The following FBXO32 variants were observed in gnomAD, a reference collection of about 807,000 sequenced individuals.
The protein encoded by FBXO32 is F-box only protein 32.
Under a neutral mutation model 48.3 loss-of-function variants are expected in FBXO32, and 15 were observed. The observed-to-expected ratio is 0.31, with a 90% CI of 0.21 to 0.48. The LOEUF is 0.48. Among genes scored for constraint, FBXO32 ranks in the 20% least tolerant of loss-of-function variants. The pLI is 0.99. For missense variants in FBXO32, 309 were observed against 432.7 expected, an observed-to-expected ratio of 0.71 and a Z score of 2.54; for synonymous variants, 154 against 165.9, an observed-to-expected ratio of 0.93 and a Z score of 0.55.
Position 123,500,357 on chromosome 8 carries a change from C to CTAT in FBXO32, c.*3013_*3015dup, listed in dbSNP as rs1396303476. On this transcript the variant is annotated 3_prime_UTR_variant, in exon 9 of 9. Coordinates refer to ENST00000517956, the MANE Select transcript of FBXO32 (RefSeq NM_058229.4). ...GTCTGAATTACTTCATATTTGACAT[C>CTAT]TATTTTGAAATTCTGTTTTACAGGG... The CTAT allele has an allele frequency of 1.3e-5, 2 of 152,302 alleles. No individual in the cohort carries two copies. The highest frequency in any genetic ancestry group is 3.9e-4 in the East Asian group (2 of 5,176). 9.4% of individuals were successfully genotyped at this position (152,302 alleles called of 1,614,324 possible). A position where few individuals can be genotyped will look rare whatever the true frequency, so the allele number is the denominator to read the frequency against.
In FBXO32 at chr8:123,506,351, G is replaced by A; in HGVS notation, c.834+41C>T. The A allele has an allele frequency of 6.2e-7, 1 of 1,604,612 alleles. No homozygotes were observed. The highest frequency in any genetic ancestry group is 8.5e-7 in the Non-Finnish European group (1 of 1,175,554). ...CCAAGGAAGTTTGGGGTGAGGGCCA[G>A]AGAAGGAGGGTGGGAGGAAAGCCCA... On this transcript the variant is annotated intron_variant, in intron 7 of 8. Coordinates refer to ENST00000517956, the MANE Select transcript of FBXO32 (RefSeq NM_058229.4). The surrounding 1 kb of genome is among the most constrained non-coding windows in gnomAD (Gnocchi z 4.0).
chr8:123,514,407 C>T (rs1816797616), intron 4 of FBXO32, 74 bp from the exon 5 acceptor site: 19 of 1,172,588 alleles, frequency 1.6e-5, no homozygotes, highest in Non-Finnish European at 2.2e-5. Flanking sequence ...ACTTTTGAGT[C>T]CCATGACACG....
chr8:123,509,616 T>C (rs558546310), intron 6 of FBXO32, among the ~76,000 whole-genome samples: 2 of 152,162 alleles, frequency 1.3e-5, no homozygotes, highest in South Asian at 4.2e-4. Context: ...GGGAGAATCA[T>C]GTGAGCCCAG....
rs754210630 is a variant in FBXO32 at position 123,504,483 on chromosome 8, T to TTCAGC, written c.978+116_978+120dup. ...GGCACTGAATCAGTTTACCCTCACT[T>TTCAGC]TCAGCTGGGGGCTGTGATGGGGAAG... On this transcript the variant is annotated intron_variant, in intron 8 of 8. Transcript: ENST00000517956. 1.1e-4 allele frequency: 49 copies of TTCAGC among 431,752 alleles called. 1 individual carries two copies. Among genetic ancestry groups the TTCAGC allele is most frequent in the East Asian group, 7.3e-4 (7 of 9,616 alleles). 26.7% of individuals were successfully genotyped at this position (431,752 alleles called of 1,614,324 possible).
At chr8:123,505,423 A>G (rs906782901) in intron 7 of FBXO32, among the ~76,000 whole-genome samples, 2 of 151,518 alleles carry the variant, frequency 1.3e-5, no homozygotes, top group African/African-American at 4.9e-5. Flanking sequence ...TCAGAATAAA[A>G]TGAAATGATA....
chr8:123,525,511 C>G lies in FBXO32; in HGVS notation c.372+6387G>C, dbSNP rs760279748. On this transcript the variant is annotated intron_variant, in intron 4 of 8. Transcript: ENST00000517956. The surrounding 1 kb of genome is among the most constrained non-coding windows in gnomAD (Gnocchi z 4.3). ...CAAAGGTCATTCTGGCATTAAGAAC[C>G]TCTCCTGCGATATAGCCTGTGTGCA... Among the ~76,000 whole-genome samples, 1 of 152,154 alleles carries G rather than the reference C, an allele frequency of 6.6e-6. No homozygotes were observed. Among genetic ancestry groups the G allele is most frequent in the African/African-American group, 2.4e-5 (1 of 41,424 alleles).
At chr8:123,535,950 A>G (rs945141795) in intron 1 of FBXO32, among the ~76,000 whole-genome samples, 16 of 151,866 alleles carry the variant, frequency 1.1e-4, no homozygotes, top group African/African-American at 3.9e-4. Context: ...GGGTACAATT[A>G]TGTACATCTG....
chr8:123,503,247 T>A lies in FBXO32; in HGVS notation c.*126A>T, dbSNP rs1816535281. 2 of 711,512 alleles carry A rather than the reference T, an allele frequency of 2.8e-6. No individual in the cohort carries two copies. The allele number at this position is 711,512 out of a possible 1,614,324, so 44.1% of individuals were successfully genotyped here. On this transcript the variant is annotated 3_prime_UTR_variant, in exon 9 of 9. Transcript: ENST00000517956. ...TCCCCTCCAATGTCCTCTCCATGAC[T>A]TATCTCTGAAGTTTCGAGCCAATGT...
intron 2 of FBXO32, among the ~76,000 whole-genome samples, chr8:123,534,148 C>T (rs1259883839): frequency 1.4e-5 from 2 of 147,656 alleles, no homozygotes; most frequent in Non-Finnish European, 3.0e-5. Context: ...ACCCCTAATA[C>T]TCAAGTACAA....
chr8:123,511,614 T>A (rs920936766), intron 6 of FBXO32, among the ~76,000 whole-genome samples: 2 of 152,110 alleles, frequency 1.3e-5, no homozygotes, highest in Admixed American at 1.3e-4. Context: ...TAGCTGGGAC[T>A]ACAGGTGTGT....
At position 123,513,375 on chromosome 8, in the gene FBXO32, T is replaced by C; in HGVS notation, c.474A>G (p.Glu158=). The change falls in exon 6 of 9, where the codon GAA becomes GAG. Residue 158 remains glutamate, a synonymous_variant. Transcript: ENST00000517956. The surrounding 1 kb of genome is among the most constrained non-coding windows in gnomAD (Gnocchi z 4.3). ...ILEKVVLKVL[E]DQQNIRLIRE... ...TTATTAGTCTAATGTTTTGCTGGTC[T>C]TCAAGGACTTGAGTAGGGAAGAAAA... 2 of 1,613,674 alleles carry C rather than the reference T, an allele frequency of 1.2e-6. No homozygotes were observed. Among genetic ancestry groups the C allele is most frequent in the Middle Eastern group, 1.7e-4 (1 of 6,060 alleles).
Position 123,534,808 on chromosome 8 carries a change from G to C in FBXO32, c.123C>G (p.Cys41Trp). ...GSFVSDLSSY[C>W]NKEVYNKENL... Reference sequence around the variant, plus strand: ...TCTCCTTATTGTATACCTCCTTGTTGCAGTAACTATGAATAACAGAAGACA... The same window carrying C: ...TCTCCTTATTGTATACCTCCTTGTTCCAGTAACTATGAATAACAGAAGACA... Residue 41 changes from cysteine (C) to tryptophan (W), a missense_variant, in exon 2 of 9, where the codon TGC (cysteine) becomes TGG (tryptophan). Physicochemically the swap from Cys to Trp is radical, Grantham distance 215. Coordinates refer to ENST00000517956, the MANE Select transcript of FBXO32 (RefSeq NM_058229.4). 6.2e-7 allele frequency: 1 copy of C among 1,601,590 alleles called. No individual in the cohort carries two copies. Among genetic ancestry groups the C allele is most frequent in the Non-Finnish European group, 8.6e-7 (1 of 1,169,554 alleles).
At chr8:123,529,256 T>G (rs1446247134) in intron 4 of FBXO32, among the ~76,000 whole-genome samples, 1 of 152,234 alleles carries the variant, frequency 6.6e-6, no homozygotes, top group Non-Finnish European at 1.5e-5. Flanking sequence ...TTAGATACTC[T>G]TAGATACGTG....
chr8:123,537,325 G>A (rs949473056), intron 1 of FBXO32, among the ~76,000 whole-genome samples: 4 of 151,532 alleles, frequency 2.6e-5, no homozygotes, highest in Admixed American at 6.6e-5. Flanking sequence ...CTATTTTGTA[G>A]TCACTATTTA....
chr8:123,529,403 T>A (rs1350934781), intron 4 of FBXO32, among the ~76,000 whole-genome samples: 1 of 152,212 alleles, frequency 6.6e-6, no homozygotes, highest in Admixed American at 6.5e-5. Flanking sequence ...CAGTAAACAT[T>A]AGCGGCTGAC....
At chr8:123,503,664 C>T (rs191415215) in intron 8 of FBXO32, among the ~76,000 whole-genome samples, 10 of 152,016 alleles carry the variant, frequency 6.6e-5, no homozygotes, top group East Asian at 3.9e-4. Context: ...TTACCAGAGC[C>T]GGGAAAGGGA....
At chr8:123,537,015 G>A (rs1817321948) in intron 1 of FBXO32, among the ~76,000 whole-genome samples, 1 of 152,162 alleles carries the variant, frequency 6.6e-6, no homozygotes, top group Non-Finnish European at 1.5e-5. Context: ...TTTTCACTTG[G>A]TATTAGGTTT....
At chr8:123,520,688 C>T (rs972871161) in intron 4 of FBXO32, among the ~76,000 whole-genome samples, 5 of 152,150 alleles carry the variant, frequency 3.3e-5, no homozygotes, top group Non-Finnish European at 7.4e-5. Context: ...AGGCTTCTTA[C>T]GTCTTCTTCC....
At chr8:123,524,842 C>T (rs930835905) in intron 4 of FBXO32, among the ~76,000 whole-genome samples, 1 of 152,158 alleles carries the variant, frequency 6.6e-6, no homozygotes, top group African/African-American at 2.4e-5. Flanking sequence ...CAAATGGGCC[C>T]GTGGCTCTGC....
Sources: allele counts gnomAD v4.1 joint callset (sites outside exome capture counted in the v4.1 genomes callset), GRCh38; gene constraint gnomAD v4.1.1; non-coding constraint Gnocchi (gnomAD v3.1); transcripts MANE v1.5; gene names NCBI Gene and HGNC (gene_info 2026-07-23, HGNC 2026-07-21).